The following TAFA2 variants were observed in gnomAD, a reference collection of about 807,000 sequenced individuals.
The protein encoded by TAFA2 is TAFA chemokine like family member 2, also known as chemokine-like protein TAFA-2.
Under a neutral mutation model 18.8 loss-of-function variants are expected in TAFA2, and 7 were observed. The ratio of observed to expected loss-of-function variants is 0.37; its 90% CI spans 0.21 to 0.70. The LOEUF (loss-of-function observed/expected upper bound fraction) is 0.70, where lower values mean the gene tolerates loss of function less well. Among genes scored for constraint, TAFA2 ranks in the 30% least tolerant of loss-of-function variants. The pLI, the probability that TAFA2 is intolerant of heterozygous loss-of-function variation, is 0.53. For missense variants in TAFA2, 122 were observed against 158.1 expected (o/e 0.77, Z 1.23); for synonymous variants, 60 against 54.2 (o/e 1.11, Z -0.47).
chr12:62,201,579 G>A lies in TAFA2; in HGVS notation c.-130+57184C>T, dbSNP rs189392906. Among the ~76,000 whole-genome samples, 110 of 152,270 alleles carry A rather than the reference G, an allele frequency of 7.2e-4. 1 individual carries two copies. The highest frequency in any genetic ancestry group is 2.5e-3 in the African/African-American group (105 of 41,556). On this transcript the variant is annotated intron_variant, in intron 1 of 5. Coordinates refer to the TAFA2 transcript ENST00000551619. ...ATGTTGAACCAGCCTTGCATCCCAG[G>A]GATGAAGACAACTTGATCATGGTGG...
At chr12:61,783,812 A>G (rs1870610666) in intron 2 of TAFA2, among the ~76,000 whole-genome samples, 1 of 151,584 alleles carries the variant, frequency 6.6e-6, no homozygotes, top group South Asian at 2.1e-4. Flanking sequence ...ATATTTCTTG[A>G]GAAAATTTAA....
rs78125579 is a variant in TAFA2 at position 62,131,143 on chromosome 12, C to T, written c.-2+60116G>A. ...TGGCACATATGAAGCAATGCAAAAA[C>T]ATACATGGCAGTTCACTGGAGTAGC... On this transcript the variant is annotated intron_variant, in intron 1 of 4. Transcript: ENST00000416284. Among the ~76,000 whole-genome samples, 679 of 152,030 alleles carry T rather than the reference C, an allele frequency of 4.5e-3. 6 individuals carry two copies. The highest frequency in any genetic ancestry group is 0.015 in the African/African-American group (629 of 41,496).
At chr12:61,958,371 C>T (rs894011) in intron 1 of TAFA2, among the ~76,000 whole-genome samples, 144,659 of 152,078 alleles carry the variant, frequency 0.95, 68,979 homozygotes, top group South Asian at 0.99. Context: ...TTTTATTCTA[C>T]GGTATAAATT....
At chr12:62,210,208 A>AATAG (rs1201236274) in intron 1 of TAFA2, among the ~76,000 whole-genome samples, 1 of 151,616 alleles carries the variant, frequency 6.6e-6, no homozygotes, top group African/African-American at 2.4e-5. Flanking sequence ...TAAATAAATA[A>AATAG]ATAAATAAAT....
At chr12:62,001,993 A>G (rs7963802) in intron 1 of TAFA2, among the ~76,000 whole-genome samples, 7,559 of 152,218 alleles carry the variant, frequency 0.05, 235 homozygotes, top group Middle Eastern at 0.12. Flanking sequence ...CAAAAGCCAG[A>G]TGGTTTGATC....
chr12:62,200,288 G>A (rs1480654857), intron 1 of TAFA2, among the ~76,000 whole-genome samples: 1 of 152,044 alleles, frequency 6.6e-6, no homozygotes, highest in Non-Finnish European at 1.5e-5. Context: ...TTTTCCTTTT[G>A]TTGCAATTGC....
intron 1 of TAFA2, among the ~76,000 whole-genome samples, chr12:61,911,043 G>A (rs1015819553): frequency 1.4e-4 from 21 of 152,276 alleles, no homozygotes; most frequent in Admixed American, 2.6e-4. Flanking sequence ...AGATGTTCAC[G>A]AAGGTTGTGT....
intron 1 of TAFA2, among the ~76,000 whole-genome samples, chr12:61,917,302 T>A: frequency 6.6e-6 from 1 of 152,178 alleles, no homozygotes; most frequent in South Asian, 2.1e-4. Context: ...TTGAAAGACA[T>A]ATATAAAATA....
At chr12:61,735,436 A>C (rs1340808220) in intron 4 of TAFA2, among the ~76,000 whole-genome samples, 2 of 152,080 alleles carry the variant, frequency 1.3e-5, no homozygotes, top group Non-Finnish European at 2.9e-5. Context: ...TATGTGATAC[A>C]GTGTGATGTT....
In TAFA2 at chr12:62,181,990, T is replaced by TCCCC. The variant is rs71893210; in HGVS notation, c.-2+9265_-2+9268dup. 3.6e-3 allele frequency among the ~76,000 whole-genome samples: 496 copies of TCCCC among 138,396 alleles called. 9 individuals carry two copies. The highest frequency in any genetic ancestry group is 5.9e-3 in the African/African-American group (216 of 36,320). 90.8% of individuals were successfully genotyped at this position (138,396 alleles called of 152,430 possible). ...AAAGCTTCATCTTTTCTCAAGTCCATCCCCCCCCCGCTACACATAGTAGCT... is the reference window on the plus strand; with the variant it reads ...AAAGCTTCATCTTTTCTCAAGTCCATCCCCCCCCCCCCCGCTACACATAGTAGCT... On this transcript the variant is annotated intron_variant, in intron 1 of 4. Coordinates refer to ENST00000416284, the MANE Select transcript of TAFA2 (RefSeq NM_178539.5).
chr12:61,730,855 C>G (rs1364717327), intron 4 of TAFA2, among the ~76,000 whole-genome samples: 1 of 152,136 alleles, frequency 6.6e-6, no homozygotes, highest in African/African-American at 2.4e-5. Flanking sequence ...TCTGAGAAAG[C>G]AGGCAGGGAT....
chr12:62,136,937 A>G (rs1044515996), intron 1 of TAFA2, among the ~76,000 whole-genome samples: 4 of 152,166 alleles, frequency 2.6e-5, no homozygotes, highest in African/African-American at 9.7e-5. Flanking sequence ...TAAAATTTGA[A>G]GAGATTCCCT....
At chr12:62,154,207 G>T (rs2062352591) in intron 1 of TAFA2, among the ~76,000 whole-genome samples, 1 of 152,116 alleles carries the variant, frequency 6.6e-6, no homozygotes, top group Admixed American at 6.6e-5. Flanking sequence ...GGCTGCCAAG[G>T]TCATAGTCAC....
At position 61,742,782 on chromosome 12, in the gene TAFA2, T is replaced by A. The variant is rs564357936; in HGVS notation, c.384+10840A>T. On this transcript the variant is annotated intron_variant, in intron 4 of 4. Coordinates refer to ENST00000416284, the MANE Select transcript of TAFA2 (RefSeq NM_178539.5). ...TCAAGCAAGAAATATGTAAGAAGTA[T>A]GTGAGTCTGAATTTTTCCTTTCATT... is the stretch of plus-strand genomic sequence containing the variant. Among the ~76,000 whole-genome samples, 292 of 152,190 alleles carry A rather than the reference T, an allele frequency of 1.9e-3. 4 individuals carry two copies. The highest frequency in any genetic ancestry group is 7.4e-5 in the Non-Finnish European group (5 of 67,968).
intron 1 of TAFA2, among the ~76,000 whole-genome samples, chr12:62,023,181 T>C (rs1881201908): frequency 6.6e-6 from 1 of 151,884 alleles, no homozygotes; most frequent in Admixed American, 6.6e-5. Context: ...AATAGCAAAA[T>C]GAATGAAATA....
chr12:61,764,948 T>C (rs937357750), intron 2 of TAFA2, among the ~76,000 whole-genome samples: 1 of 152,054 alleles, frequency 6.6e-6, no homozygotes, highest in African/African-American at 2.4e-5. Flanking sequence ...ACGAGAGAGA[T>C]CTAGTTCAAA....
At chr12:62,110,800 G>A (rs1869695053) in intron 1 of TAFA2, among the ~76,000 whole-genome samples, 1 of 151,836 alleles carries the variant, frequency 6.6e-6, no homozygotes, top group South Asian at 2.1e-4. Context: ...AGTATTCTCT[G>A]GTGGTAGTTT....
rs1300906194 is a variant in TAFA2 at position 61,724,785 on chromosome 12, GT to G, written c.385-14369del. The stretch of plus-strand genomic sequence containing the variant: ...TGTGTGTGTGTGTGTGTGTGTGTGT[GT>G]GTGTGTGTGTGTGTGTATACACCAG... On this transcript the variant is annotated intron_variant, in intron 4 of 4. Transcript: ENST00000416284. Among the ~76,000 whole-genome samples the G allele has an allele frequency of 7.4e-3, 642 of 86,962 alleles. 3 individuals are homozygous for G. The highest frequency in any genetic ancestry group is 0.031 in the African/African-American group (607 of 19,476). 57.1% of individuals were successfully genotyped at this position (86,962 alleles called of 152,430 possible). A position where few individuals can be genotyped will look rare whatever the true frequency, so the allele number is the denominator to read the frequency against.
intron 1 of TAFA2, among the ~76,000 whole-genome samples, chr12:61,996,170 C>T (rs1195384145): frequency 6.6e-6 from 1 of 152,124 alleles, no homozygotes; most frequent in Non-Finnish European, 1.5e-5. Flanking sequence ...TTATTCAACA[C>T]TTGCTATATA....
Sources: allele counts gnomAD v4.1 joint callset (sites outside exome capture counted in the v4.1 genomes callset), GRCh38; gene constraint gnomAD v4.1.1; transcripts MANE v1.5; gene names NCBI Gene and HGNC (gene_info 2026-07-23, HGNC 2026-07-21).